PLA2G5: variants seen among roughly 807,000 people sequenced by gnomAD.
PLA2G5 encodes the protein phospholipase A2 group V.
In PLA2G5, 12 loss-of-function variants were observed where a neutral mutation model predicts 15.9. That is an observed-to-expected ratio of 0.76 (90% CI 0.48 to 1.23). PLA2G5 has a LOEUF of 1.23. Ranked by LOEUF, PLA2G5 falls within the 50% of genes most tolerant of loss-of-function variation. The pLI, the probability that PLA2G5 is intolerant of heterozygous loss-of-function variation, is 0.00. For synonymous variants in PLA2G5, 71 were observed against 71.4 expected (o/e 0.99, Z 0.03); for missense variants, 169 against 177.1 (o/e 0.95, Z 0.26).
intron 1 of PLA2G5, among the ~76,000 whole-genome samples, chr1:20,082,080 G>A (rs1317968180): frequency 6.6e-6 from 1 of 151,852 alleles, no homozygotes; most frequent in Non-Finnish European, 1.5e-5. Flanking sequence ...AAGGCAGAAG[G>A]AGAGACTGAG....
chr1:20,083,049 C>T (rs1369824266), intron 1 of PLA2G5, among the ~76,000 whole-genome samples: 1 of 151,932 alleles, frequency 6.6e-6, no homozygotes, highest in Non-Finnish European at 1.5e-5. Flanking sequence ...GCTTGGCACA[C>T]CAGAGGTGCT....
intron 1 of PLA2G5, among the ~76,000 whole-genome samples, chr1:20,073,958 C>A (rs559039520): frequency 6.6e-6 from 1 of 152,126 alleles, no homozygotes; most frequent in East Asian, 1.9e-4. Context: ...CCCTCAGATG[C>A]CTATATTCTA....
intron 1 of PLA2G5, among the ~76,000 whole-genome samples, chr1:20,043,679 G>C (rs1426448146): frequency 1.3e-5 from 2 of 152,156 alleles, no homozygotes; most frequent in Non-Finnish European, 2.9e-5. Flanking sequence ...AGGGCAGGTA[G>C]GGATAACTAA....
intron 1 of PLA2G5, among the ~76,000 whole-genome samples, chr1:20,046,794 A>G (rs970700301): frequency 6.6e-6 from 1 of 152,206 alleles, no homozygotes; most frequent in African/African-American, 2.4e-5. Flanking sequence ...AGTACAGTTT[A>G]CAGAAAGTGG....
At chr1:20,052,716 G>C (rs553242870) in intron 1 of PLA2G5, among the ~76,000 whole-genome samples, 3 of 152,220 alleles carry the variant, frequency 2.0e-5, no homozygotes, top group Middle Eastern at 3.4e-3. Context: ...AAAAAGAAAA[G>C]GGGGAAATGT....
At chr1:20,035,174 T>A (rs554315250) in intron 1 of PLA2G5, among the ~76,000 whole-genome samples, 2 of 151,936 alleles carry the variant, frequency 1.3e-5, no homozygotes, top group Non-Finnish European at 2.9e-5. Flanking sequence ...GAGGGCAGCT[T>A]AACAGCAAAT....
intron 1 of PLA2G5, among the ~76,000 whole-genome samples, chr1:20,082,987 A>G (rs2016108232): frequency 6.6e-6 from 1 of 152,064 alleles, no homozygotes; most frequent in Non-Finnish European, 1.5e-5. Context: ...TTAAAAGGAC[A>G]GACACCGGGC....
upstream of PLA2G5, among the ~76,000 whole-genome samples, chr1:20,068,338 AC>A (rs539916421): frequency 1.2e-3 from 184 of 152,262 alleles, no homozygotes; most frequent in Non-Finnish European, 2.0e-3. Context: ...GGAGAAAGAT[AC>A]TGAGAAAAAT....
rs566193771 is a variant in PLA2G5 at position 20,070,371 on chromosome 1, G to A, written c.-105G>A. 6.1e-6 allele frequency: 6 copies of A among 985,420 alleles called. No individual in the cohort carries two copies. The highest frequency in any genetic ancestry group is 4.7e-5 in the South Asian group (1 of 21,288). The allele number at this position is 985,420 out of a possible 1,614,324, so 61.0% of individuals were successfully genotyped here. A position where few individuals can be genotyped will look rare whatever the true frequency, so the allele number is the denominator to read the frequency against. On this transcript the variant is annotated 5_prime_UTR_variant, in exon 1 of 5. Coordinates refer to ENST00000375108, the MANE Select transcript of PLA2G5 (RefSeq NM_000929.3). ...GGATACCAATGTTCCGACTGGAGAC[G>A]GGGAGCCCGCGAGACCCGGGTCTCC... is the stretch of plus-strand genomic sequence containing the variant.
rs60942082 is a variant in PLA2G5, at chr1:20,040,577, TACACACACACACAC to T, written n.276+11884_276+11897del. 1.1e-4 allele frequency among the ~76,000 whole-genome samples: 16 copies of T among 150,754 alleles called. No individual in the cohort carries two copies. The East Asian group carries it at 2.7e-3, about 26-fold the overall frequency. ...ATGTCATTGCTTCAAAGCTGACAAA[TACACACACACACAC>T]ACACACACACACACAAACACTCACA... On this transcript the variant is annotated intron_variant and non_coding_transcript_variant, in intron 1 of 6. Coordinates refer to the PLA2G5 transcript ENST00000460175.
chr1:20,090,485 C>T (rs1012559846), intron 4 of PLA2G5, 83 bp from the exon 5 acceptor site: 78 of 1,437,494 alleles, frequency 5.4e-5, no homozygotes, highest in Non-Finnish European at 6.8e-5. Context: ...GAAAGCTCCT[C>T]GGAGCAGGAA....
chr1:20,082,772 T>C (rs2016097382), intron 1 of PLA2G5, among the ~76,000 whole-genome samples: 1 of 151,876 alleles, frequency 6.6e-6, no homozygotes, highest in African/African-American at 2.4e-5. Flanking sequence ...GTCTCTGGCC[T>C]CCAAGATGTC....
chr1:20,076,002 G>A (rs1457816695), intron 1 of PLA2G5, among the ~76,000 whole-genome samples: 1 of 151,370 alleles, frequency 6.6e-6, no homozygotes, highest in Non-Finnish European at 1.5e-5. Context: ...CTCCCAAGTA[G>A]CTAGGATTAC....
chr1:20,042,878 T>C (rs2013688526), intron 1 of PLA2G5, among the ~76,000 whole-genome samples: 2 of 152,140 alleles, frequency 1.3e-5, no homozygotes, highest in South Asian at 4.1e-4. Flanking sequence ...GCAATATTCT[T>C]TTGAGAATAG....
chr1:20,064,635 T>A (rs2014925038), intron 2 of PLA2G5, among the ~76,000 whole-genome samples: 1 of 151,206 alleles, frequency 6.6e-6, no homozygotes, highest in South Asian at 2.1e-4. Flanking sequence ...AACTCACACC[T>A]GTAATCCCAG....
At chr1:20,052,720 G>A (rs971890666) in intron 1 of PLA2G5, among the ~76,000 whole-genome samples, 24 of 152,120 alleles carry the variant, frequency 1.6e-4, no homozygotes, top group African/African-American at 5.6e-4. Context: ...AGAAAAGGGG[G>A]AAATGTGAAA....
At chr1:20,080,238 G>T (rs1326877295) in intron 1 of PLA2G5, among the ~76,000 whole-genome samples, 2 of 152,062 alleles carry the variant, frequency 1.3e-5, no homozygotes, top group Non-Finnish European at 2.9e-5. Flanking sequence ...GATCGAGGGT[G>T]GCCCAAGCTC....
At chr1:20,081,097 C>T (rs1371001370) in intron 1 of PLA2G5, among the ~76,000 whole-genome samples, 2 of 151,880 alleles carry the variant, frequency 1.3e-5, no homozygotes. Context: ...CACGTCCTGG[C>T]CTCCACATCT....
chr1:20,086,242 A>C lies in PLA2G5; in HGVS notation c.185+15A>C. On this transcript the variant is annotated intron_variant, in intron 3 of 4. Transcript: ENST00000375108. ...GGCACCGATTGGTGAGCTGATCGCT[A>C]TAACTGCCCTTTAGGCTCCAGGCTC... 1 of 1,613,704 alleles carries C rather than the reference A, an allele frequency of 6.2e-7. No homozygotes were observed. Among genetic ancestry groups the C allele is most frequent in the East Asian group, 2.2e-5 (1 of 44,870 alleles).
Sources: allele counts gnomAD v4.1 joint callset (sites outside exome capture counted in the v4.1 genomes callset), GRCh38; gene constraint gnomAD v4.1.1; transcripts MANE v1.5; gene names NCBI Gene and HGNC (gene_info 2026-07-23, HGNC 2026-07-21).